The following ABCC1 variants were observed in gnomAD, a reference collection of about 807,000 sequenced individuals.
The protein encoded by ABCC1 is multidrug resistance-associated protein 1.
ABCC1 carries 83 observed loss-of-function variants against 172.9 expected under a neutral mutation model. The ratio of observed to expected loss-of-function variants is 0.48; its 90% CI spans 0.40 to 0.58. The LOEUF (loss-of-function observed/expected upper bound fraction) is 0.58. ABCC1 is among the 20% of genes least tolerant of loss of function. The probability of loss-of-function intolerance (pLI) is 0.00; values close to 1 mark genes in which losing one functional copy is unlikely to be tolerated. For synonymous variants in ABCC1, 937 were observed against 825.2 expected (o/e 1.14, Z -2.32); for missense variants, 1,817 against 2,002.7 (o/e 0.91, Z 1.77).
At chr16:16,072,339 T>G (rs2050380365) in intron 14 of ABCC1, among the ~76,000 whole-genome samples, 1 of 151,838 alleles carries the variant, frequency 6.6e-6, no homozygotes, top group Non-Finnish European at 1.5e-5. Context: ...CACAGCACCA[T>G]ACTTGGATAA....
intron 1 of ABCC1, among the ~76,000 whole-genome samples, chr16:15,983,562 T>TTTC (rs1373140796): frequency 6.7e-6 from 1 of 150,168 alleles, no homozygotes; most frequent in Non-Finnish European, 1.5e-5. Context: ...CTTTTTTTTT[T>TTTC]TTTTTTTGGT....
chr16:16,132,507 GTTGTT>G (rs2045733470), intron 27 of ABCC1, among the ~76,000 whole-genome samples: 1 of 75,066 alleles, frequency 1.3e-5, no homozygotes, highest in Non-Finnish European at 2.8e-5. Context: ...TTTTTGGTTG[GTTGTT>G]TTTTTTTTTT....
intron 16 of ABCC1, among the ~76,000 whole-genome samples, chr16:16,082,295 T>C (rs2050834776): frequency 6.6e-6 from 1 of 152,186 alleles, no homozygotes; most frequent in African/African-American, 2.4e-5. Flanking sequence ...TCTAAACATA[T>C]GTTTGAGCTG....
chr16:16,008,085 A>G, intron 2 of ABCC1, 93 bp downstream of exon 2: 1 of 1,294,598 alleles, frequency 7.7e-7, no homozygotes, highest in Non-Finnish European at 1.1e-6. Context: ...TCTTCTACTT[A>G]GTTGACCCTA....
Position 16,114,804 on chromosome 16 carries a change from G to T in ABCC1, c.3118G>T (p.Gly1040Trp). 6.2e-7 allele frequency: 1 copy of T among 1,607,452 alleles called. No individual in the cohort carries two copies. Among genetic ancestry groups the T allele is most frequent in the Non-Finnish European group, 8.5e-7 (1 of 1,174,494 alleles). ...TGGCTACTCCATGGCCGTGTCCATC[G>T]GGGGGATCTTGGCTTCCCGCTGTCT... ...VFGYSMAVSI[G>W]GILASRCLHV... Residue 1040 changes from glycine (G) to tryptophan (W), a missense_variant, in exon 23 of 31, where the codon GGG (glycine) becomes TGG (tryptophan). This residue lies in a region of ABCC1 where 1,412 missense variants were observed against 1,600.3 expected (regional missense o/e 0.88). Transcript: ENST00000399410.
At chr16:16,049,678 GT>G (rs1190427685) in intron 10 of ABCC1, among the ~76,000 whole-genome samples, 3 of 151,782 alleles carry the variant, frequency 2.0e-5, no homozygotes, top group East Asian at 3.9e-4. Flanking sequence ...TTCTGAAATA[GT>G]TTTTTTTGTT....
chr16:16,040,060 T>TGTATGTA (rs1555487628), intron 7 of ABCC1, among the ~76,000 whole-genome samples: 1 of 131,396 alleles, frequency 7.6e-6, no homozygotes, highest in Non-Finnish European at 1.6e-5. Context: ...GTTTGTTTGT[T>TGTATGTA]TGTTTGTATG....
chr16:16,029,572 A>G (rs1024683434), intron 5 of ABCC1, among the ~76,000 whole-genome samples: 5 of 152,318 alleles, frequency 3.3e-5, no homozygotes, highest in African/African-American at 7.2e-5. Flanking sequence ...TTTAATATGT[A>G]TCTCTGAAGG....
At chr16:16,098,894 A>T in intron 19 of ABCC1, 1 of 1,352,100 alleles carries the variant, frequency 7.4e-7, no homozygotes, top group Non-Finnish European at 9.8e-7. Flanking sequence ...ATGGACGAGG[A>T]GGAAGCAGGT....
chr16:15,999,222 G>T (rs1169939433), intron 1 of ABCC1, among the ~76,000 whole-genome samples: 1 of 151,942 alleles, frequency 6.6e-6, no homozygotes, highest in Admixed American at 6.6e-5. Flanking sequence ...AGCCAGGATG[G>T]TCTCCATCTC....
intron 23 of ABCC1, among the ~76,000 whole-genome samples, chr16:16,120,917 C>T (rs145702228): frequency 2.5e-4 from 38 of 152,162 alleles, no homozygotes; most frequent in African/African-American, 8.4e-4. Context: ...GATCAACAGG[C>T]GGAATTCTGT....
chr16:16,099,872 T>TC lies in ABCC1; in HGVS notation c.2645-2754dup, dbSNP rs564974795. On this transcript the variant is annotated intron_variant, in intron 19 of 30. Coordinates refer to ENST00000399410, the MANE Select transcript of ABCC1 (RefSeq NM_004996.4). ...GCCGAGGTGGGTGGATCACCTGAGG[T>TC]CAGGGGTTTGAGACCAGCCTGGCCA... Among the ~76,000 whole-genome samples, 385 of 152,208 alleles carry TC rather than the reference T, an allele frequency of 2.5e-3. 1 individual carries two copies. The highest frequency in any genetic ancestry group is 8.9e-3 in the African/African-American group (368 of 41,554).
chr16:16,029,849 T>C (rs182622466), intron 5 of ABCC1, among the ~76,000 whole-genome samples: 2 of 152,234 alleles, frequency 1.3e-5, no homozygotes, highest in Admixed American at 6.5e-5. Context: ...GACCTTGTCT[T>C]GACAAAAAAC....
At position 16,094,299 on chromosome 16, in the gene ABCC1, G is replaced by C. The variant is rs552457795; in HGVS notation, c.2644+3711G>C. The C allele has an allele frequency of 2.6e-5, 7 of 265,264 alleles. No individual in the cohort carries two copies. In the East Asian group the frequency reaches 6.2e-4, roughly 23 times the overall value. The allele number at this position is 265,264 out of a possible 1,614,324, so 16.4% of individuals were successfully genotyped here. On this transcript the variant is annotated intron_variant, in intron 19 of 30. Coordinates refer to ENST00000399410, the MANE Select transcript of ABCC1 (RefSeq NM_004996.4). Reference sequence around the variant, plus strand: ...ACCCTTAAGTTCAGTGTGACTCTCTGTATTTTTAAGCATGTGCAGCAGAAA... The same window carrying C: ...ACCCTTAAGTTCAGTGTGACTCTCTCTATTTTTAAGCATGTGCAGCAGAAA...
At chr16:16,104,184 G>A (rs947681630) in intron 20 of ABCC1, among the ~76,000 whole-genome samples, 5 of 152,174 alleles carry the variant, frequency 3.3e-5, no homozygotes, top group African/African-American at 1.2e-4. Context: ...ATCGCAAAGA[G>A]TGAAACAATA....
At chr16:15,977,483 G>A (rs867245123) in intron 1 of ABCC1, among the ~76,000 whole-genome samples, 4 of 152,046 alleles carry the variant, frequency 2.6e-5, no homozygotes, top group Non-Finnish European at 5.9e-5. Context: ...TGATCCTCCT[G>A]CCTCGGTCTC....
intron 3 of ABCC1, among the ~76,000 whole-genome samples, chr16:16,011,298 C>T (rs1222234716): frequency 6.6e-6 from 1 of 151,180 alleles, no homozygotes; most frequent in Non-Finnish European, 1.5e-5. Context: ...GCAGGGTGAA[C>T]AGTGTGTCCA....
At chr16:16,039,209 T>TTGTGTGTGTGTGTGTG (rs749877499) in intron 7 of ABCC1, among the ~76,000 whole-genome samples, 21 of 137,126 alleles carry the variant, frequency 1.5e-4, no homozygotes, top group African/African-American at 6.0e-4. Context: ...GAGGAAGCTT[T>TTGTGTGTGTGTGTGTG]TGTGTGTGTG....
intron 1 of ABCC1, among the ~76,000 whole-genome samples, chr16:16,001,321 C>T (rs897846383): frequency 6.6e-6 from 1 of 152,238 alleles, no homozygotes; most frequent in Middle Eastern, 3.4e-3. Context: ...ACGCCATTCT[C>T]CTGCCTCAGC....
Sources: gnomAD v4.1 joint callset for allele counts (sites outside exome capture counted in the v4.1 genomes callset) on GRCh38, gnomAD v4.1.1 for gene constraint, gnomAD v4.1.1 regional missense constraint, MANE v1.5 for transcripts, NCBI Gene and HGNC (gene_info 2026-07-23, HGNC 2026-07-21) for gene names.